Variants in ARHGAP21 observed in about 807,000 individuals in gnomAD.
ARHGAP21 encodes the protein rho GTPase-activating protein 21.
Under a neutral mutation model 164.6 loss-of-function variants are expected in ARHGAP21, and 38 were observed. The observed-to-expected ratio is 0.23, with a 90% CI of 0.18 to 0.30. The LOEUF is 0.30. Among genes scored for constraint, ARHGAP21 ranks in the 10% least tolerant of loss-of-function variants. The pLI, the probability that ARHGAP21 is intolerant of heterozygous loss-of-function variation, is 1.00. For missense variants in ARHGAP21, 1,822 were observed against 2,370.7 expected, an observed-to-expected ratio of 0.77 and a Z score of 4.81; for synonymous variants, 766 against 857.9, an observed-to-expected ratio of 0.89 and a Z score of 1.87.
At chr10:24,638,101 G>T (rs1474167420) in intron 4 of ARHGAP21, among the ~76,000 whole-genome samples, 1 of 151,936 alleles carries the variant, frequency 6.6e-6, no homozygotes, top group East Asian at 1.9e-4. Context: ...TCCTGACCTT[G>T]TGATCCACCC....
chr10:24,671,572 C>T (rs930370321), intron 2 of ARHGAP21, among the ~76,000 whole-genome samples: 2 of 152,156 alleles, frequency 1.3e-5, no homozygotes, highest in African/African-American at 4.8e-5. Flanking sequence ...AAGGCCCCAG[C>T]AGTTGAGACT....
At chr10:24,653,107 T>A (rs907561160) in intron 4 of ARHGAP21, among the ~76,000 whole-genome samples, 1 of 152,186 alleles carries the variant, frequency 6.6e-6, no homozygotes, top group Non-Finnish European at 1.5e-5. Context: ...AAAATACCCA[T>A]TTTAAGTGCA....
chr10:24,670,201 G>T lies in ARHGAP21; in HGVS notation c.243+17C>A, dbSNP rs1182823989. On this transcript the variant is annotated intron_variant, in intron 3 of 25. Transcript: ENST00000396432. ...CTTGTGGTTTTTTTTTCAAGTTGCG[G>T]TAACTATTTCTCTTACCTTATATGA... 1.3e-6 allele frequency: 2 copies of T among 1,525,772 alleles called. No individual in the cohort carries two copies. The highest frequency in any genetic ancestry group is 2.8e-5 in the African/African-American group (2 of 72,068). The allele number at this position is 1,525,772 out of a possible 1,614,324, so 94.5% of individuals were successfully genotyped here.
chr10:24,595,529 G>C (rs2076544036), intron 19 of ARHGAP21, among the ~76,000 whole-genome samples, 188 bp downstream of exon 19: 1 of 152,188 alleles, frequency 6.6e-6, no homozygotes, highest in South Asian at 2.1e-4. Context: ...AAACATGTAT[G>C]AACAAGATAA....
intron 4 of ARHGAP21, among the ~76,000 whole-genome samples, chr10:24,662,449 A>T (rs1208645776): frequency 6.6e-6 from 1 of 152,142 alleles, no homozygotes; most frequent in African/African-American, 2.4e-5. Context: ...TCATCTACAA[A>T]ATAAGAATAT....
intron 4 of ARHGAP21, among the ~76,000 whole-genome samples, chr10:24,644,243 C>G (rs993926605): frequency 6.6e-6 from 1 of 152,148 alleles, no homozygotes; most frequent in Non-Finnish European, 1.5e-5. Flanking sequence ...AATCCCTAGT[C>G]TTCTCTCCAA....
intron 2 of ARHGAP21, among the ~76,000 whole-genome samples, chr10:24,700,324 G>A (rs540190708): frequency 3.3e-5 from 5 of 152,234 alleles, no homozygotes; most frequent in South Asian, 4.1e-4. Context: ...GTGGAAGTGC[G>A]CCGCAAGCAC....
chr10:24,696,632 T>A (rs976143641), intron 2 of ARHGAP21, among the ~76,000 whole-genome samples: 1 of 152,098 alleles, frequency 6.6e-6, no homozygotes, highest in Non-Finnish European at 1.5e-5. Flanking sequence ...GTGGGCTCAG[T>A]GGAGGCTCAA....
At chr10:24,699,175 CT>C (rs944403301) in intron 2 of ARHGAP21, among the ~76,000 whole-genome samples, 20 of 152,190 alleles carry the variant, frequency 1.3e-4, no homozygotes, top group Admixed American at 3.3e-4. Flanking sequence ...CCTATTATCT[CT>C]TTTTCAGTCT....
chr10:24,670,429 C>CTTAT, intron 2 of ARHGAP21, 32 bp from the exon 3 acceptor site: 1 of 1,479,438 alleles, frequency 6.8e-7, no homozygotes, highest in Non-Finnish European at 9.2e-7. Context: ...AAGTTAACTA[C>CTTAT]ATAACACAAT....
At chr10:24,647,578 A>T (rs945803966) in intron 4 of ARHGAP21, among the ~76,000 whole-genome samples, 3 of 152,206 alleles carry the variant, frequency 2.0e-5, no homozygotes, top group African/African-American at 7.2e-5. Flanking sequence ...GAGAGCAGTC[A>T]TTTTAGAAGC....
At chr10:24,637,221 A>G (rs960438195) in intron 4 of ARHGAP21, among the ~76,000 whole-genome samples, 4 of 152,242 alleles carry the variant, frequency 2.6e-5, no homozygotes, top group Non-Finnish European at 5.9e-5. Flanking sequence ...GCTGTATTCA[A>G]GTAGACAGTC....
chr10:24,594,828 G>A, intron 21 of ARHGAP21, 122 bp downstream of exon 21: 1 of 695,622 alleles, frequency 1.4e-6, no homozygotes, highest in South Asian at 3.3e-5. Context: ...TTTTAAGAAG[G>A]ACTTACCCAG....
At chr10:24,649,960 T>C (rs1157055894) in intron 4 of ARHGAP21, among the ~76,000 whole-genome samples, 2 of 151,394 alleles carry the variant, frequency 1.3e-5, no homozygotes, top group African/African-American at 4.9e-5. Flanking sequence ...AATCAAACTT[T>C]AAAACTTAAC....
At chr10:24,648,701 A>G (rs1837847723) in intron 4 of ARHGAP21, 1 of 659,114 alleles carries the variant, frequency 1.5e-6, no homozygotes, top group African/African-American at 2.0e-5. Flanking sequence ...AATTGCTTGA[A>G]CCCAGAGGCG....
chr10:24,671,472 C>T (rs903944403), intron 2 of ARHGAP21, among the ~76,000 whole-genome samples: 1 of 152,014 alleles, frequency 6.6e-6, no homozygotes, highest in Admixed American at 6.6e-5. Flanking sequence ...AGAACTGAAT[C>T]GCCTGCCATG....
intron 7 of ARHGAP21, among the ~76,000 whole-genome samples, chr10:24,627,565 G>A (rs1312255795): frequency 2.6e-5 from 4 of 152,064 alleles, no homozygotes; most frequent in Non-Finnish European, 5.9e-5. Context: ...TAAATTTTAT[G>A]TTACAGTATA....
intron 4 of ARHGAP21, among the ~76,000 whole-genome samples, chr10:24,650,052 A>C: frequency 6.6e-6 from 1 of 152,192 alleles, no homozygotes; most frequent in East Asian, 1.9e-4. Flanking sequence ...AAGAAAAAGA[A>C]AAACTAGAGA....
chr10:24,668,648 A>AT lies in ARHGAP21; in HGVS notation c.243+1569dup, dbSNP rs879671165. Among the ~76,000 whole-genome samples the AT allele has an allele frequency of 2.6e-3, 384 of 146,640 alleles. 1 individual carries two copies. The highest frequency in any genetic ancestry group is 7.0e-3 in the Middle Eastern group (2 of 286). On this transcript the variant is annotated intron_variant, in intron 3 of 25. Transcript: ENST00000396432. ...TTGGTCTTTATTTACAAGTTTGGTG[A>AT]TTTTTTTTTTTTGACCAGAAATATG...
Sources: gnomAD v4.1 joint callset for allele counts (sites outside exome capture counted in the v4.1 genomes callset) on GRCh38, gnomAD v4.1.1 for gene constraint, MANE v1.5 for transcripts, NCBI Gene and HGNC (gene_info 2026-07-23, HGNC 2026-07-21) for gene names.